The following BCHE variants were observed in gnomAD, a reference collection of about 807,000 sequenced individuals.
The protein encoded by BCHE is cholinesterase.
Under a neutral mutation model 51.3 loss-of-function variants are expected in BCHE, and 48 were observed. The observed-to-expected ratio is 0.94, with a 90% CI of 0.74 to 1.19. The LOEUF (loss-of-function observed/expected upper bound fraction) is 1.19, where lower values mean the gene tolerates loss of function less well. Ranked by LOEUF, BCHE falls within the 50% of genes most tolerant of loss-of-function variation. The pLI is 0.00. For missense variants in BCHE, 847 were observed against 708.2 expected, an observed-to-expected ratio of 1.20 and a Z score of -2.23; for synonymous variants, 251 against 238.0, an observed-to-expected ratio of 1.05 and a Z score of -0.50.
At chr3:165,794,187 A>ATTAC (rs1204123802) in intron 2 of BCHE, among the ~76,000 whole-genome samples, 2 of 152,194 alleles carry the variant, frequency 1.3e-5, no homozygotes, top group Non-Finnish European at 2.9e-5. Flanking sequence ...CCGTGAATGC[A>ATTAC]TTACTAGTAA....
intron 2 of BCHE, among the ~76,000 whole-genome samples, chr3:165,817,805 G>A (rs573966966): frequency 6.6e-6 from 1 of 152,024 alleles, no homozygotes; most frequent in East Asian, 1.9e-4. Context: ...GCATTATTGA[G>A]GTAATAGGGA....
At chr3:165,785,631 A>G (rs997301839) in intron 3 of BCHE, among the ~76,000 whole-genome samples, 7 of 151,632 alleles carry the variant, frequency 4.6e-5, no homozygotes, top group African/African-American at 1.7e-4. Flanking sequence ...GTGCTCTTAG[A>G]TAAATATTTC....
intron 3 of BCHE, among the ~76,000 whole-genome samples, chr3:165,780,208 T>A (rs573823372): frequency 6.6e-6 from 1 of 152,208 alleles, no homozygotes; most frequent in Admixed American, 6.5e-5. Flanking sequence ...GTTAGCCATA[T>A]GCAGAAAACT....
chr3:165,785,562 ATAAC>A (rs1172744388), intron 3 of BCHE, among the ~76,000 whole-genome samples: 3 of 151,152 alleles, frequency 2.0e-5, no homozygotes, highest in African/African-American at 4.9e-5. Context: ...AGTTAACTAA[ATAAC>A]TATTTGTTTA....
intron 1 of BCHE, among the ~76,000 whole-genome samples, chr3:165,836,077 G>T (rs962348624): frequency 2.6e-5 from 4 of 151,750 alleles, no homozygotes; most frequent in Admixed American, 6.6e-5. Flanking sequence ...TTATAAAAAT[G>T]AAATATGGAA....
intron 3 of BCHE, among the ~76,000 whole-genome samples, chr3:165,783,168 T>C (rs1560003169): frequency 1.3e-5 from 2 of 152,126 alleles, no homozygotes; most frequent in Non-Finnish European, 2.9e-5. Context: ...CTCCATCACA[T>C]TATTATTTTT....
intron 2 of BCHE, among the ~76,000 whole-genome samples, chr3:165,808,296 G>A (rs1375753184): frequency 1.3e-5 from 2 of 151,934 alleles, no homozygotes; most frequent in Non-Finnish European, 2.9e-5. Context: ...AATGTTAAGT[G>A]TTCCAACTCC....
rs74839914 is a variant in BCHE, at chr3:165,831,160, A to T, written c.-8-119T>A. 1.2e-3 allele frequency: 1,181 copies of T among 949,176 alleles called. 13 individuals are homozygous for T. The African/African-American group carries it at 0.018, about 14-fold the overall frequency. The allele number at this position is 949,176 out of a possible 1,614,324, so 58.8% of individuals were successfully genotyped here. A position where few individuals can be genotyped will look rare whatever the true frequency, so the allele number is the denominator to read the frequency against. ...AATTCTACAAATTATGAAAACAAAT[A>T]AACCTGCTTCTGTAAAGGCCTACAT... is the stretch of plus-strand genomic sequence containing the variant. On this transcript the variant is annotated intron_variant, in intron 1 of 3. Coordinates refer to ENST00000264381, the MANE Select transcript of BCHE (RefSeq NM_000055.4).
At chr3:165,778,351 C>A (rs1576833306) in intron 3 of BCHE, 1 of 156,282 alleles carries the variant, frequency 6.4e-6, no homozygotes, top group Non-Finnish European at 1.4e-5. Context: ...TATGTTGATG[C>A]CATATAATAT....
At chr3:165,777,416 T>C in intron 3 of BCHE, among the ~76,000 whole-genome samples, 1 of 151,778 alleles carries the variant, frequency 6.6e-6, no homozygotes, top group Non-Finnish European at 1.5e-5. Flanking sequence ...TTAATAAATA[T>C]ATAAATATGT....
At chr3:165,787,679 AG>A (rs1713006042) in intron 2 of BCHE, among the ~76,000 whole-genome samples, 1 of 151,948 alleles carries the variant, frequency 6.6e-6, no homozygotes, top group South Asian at 2.1e-4. Context: ...CGAAAAAACT[AG>A]TTTTGTTGAA....
At chr3:165,807,453 G>T (rs954871903) in intron 2 of BCHE, among the ~76,000 whole-genome samples, 1 of 151,514 alleles carries the variant, frequency 6.6e-6, no homozygotes, top group Admixed American at 6.6e-5. Flanking sequence ...ACCATCAGCG[G>T]CATAGTACAC....
chr3:165,775,485 G>T (rs986748122), intron 3 of BCHE, among the ~76,000 whole-genome samples: 24 of 151,556 alleles, frequency 1.6e-4, no homozygotes, highest in African/African-American at 5.8e-4. Flanking sequence ...ATAACAAAAT[G>T]TTGTTTTAAA....
chr3:165,788,841 T>C (rs1713061494), intron 2 of BCHE, among the ~76,000 whole-genome samples: 1 of 152,150 alleles, frequency 6.6e-6, no homozygotes, highest in South Asian at 2.1e-4. Context: ...TTAGAGATAA[T>C]AAGATTCCTT....
chr3:165,782,802 C>T (rs1712759788), intron 3 of BCHE, among the ~76,000 whole-genome samples: 1 of 152,088 alleles, frequency 6.6e-6, no homozygotes, highest in Non-Finnish European at 1.5e-5. Flanking sequence ...CTTTCTGGTT[C>T]ATAGATGGCA....
At chr3:165,781,381 A>T (rs1712692434) in intron 3 of BCHE, among the ~76,000 whole-genome samples, 1 of 152,210 alleles carries the variant, frequency 6.6e-6, no homozygotes, top group Non-Finnish European at 1.5e-5. Context: ...GCACATATAT[A>T]CCATGGAATA....
In BCHE at chr3:165,775,673, A is replaced by C. The variant is rs375986587; in HGVS notation, c.1685-2167T>G. ...AAATCACTGATTTACATAAATTTAC[A>C]TTTTTTCCTATGTGTCTTATCAAAT... On this transcript the variant is annotated intron_variant, in intron 3 of 3. Transcript: ENST00000264381. 4.6e-5 allele frequency among the ~76,000 whole-genome samples: 7 copies of C among 151,780 alleles called. No homozygotes were observed. The South Asian group carries it at 1.5e-3, about 31-fold the overall frequency.
intron 2 of BCHE, among the ~76,000 whole-genome samples, chr3:165,805,852 A>G (rs1031337914): frequency 1.3e-5 from 2 of 152,180 alleles, no homozygotes; most frequent in Admixed American, 6.5e-5. Flanking sequence ...AAAACTGAAT[A>G]ACATTCATTG....
chr3:165,790,479 T>C (rs1230434388), intron 2 of BCHE, among the ~76,000 whole-genome samples: 2 of 152,194 alleles, frequency 1.3e-5, no homozygotes. Flanking sequence ...AAAACTGTCA[T>C]TGTAATTACA....
Sources: allele counts gnomAD v4.1 joint callset (sites outside exome capture counted in the v4.1 genomes callset), GRCh38; gene constraint gnomAD v4.1.1; transcripts MANE v1.5; gene names NCBI Gene and HGNC (gene_info 2026-07-23, HGNC 2026-07-21).